Variants in C4orf33 observed in about 807,000 individuals in gnomAD.
C4orf33 encodes UPF0462 protein C4orf33.
Under a neutral mutation model 24.3 loss-of-function variants are expected in C4orf33, and 20 were observed. The ratio of observed to expected loss-of-function variants is 0.82; its 90% CI spans 0.58 to 1.19. The LOEUF (loss-of-function observed/expected upper bound fraction) is 1.19, where lower values mean the gene tolerates loss of function less well. Among genes scored for constraint, C4orf33 ranks in the 50% most tolerant of loss-of-function variants. The pLI is 0.00. For synonymous variants in C4orf33, 67 were observed against 76.4 expected, an observed-to-expected ratio of 0.88 and a Z score of 0.64; for missense variants, 207 against 225.9, an observed-to-expected ratio of 0.92 and a Z score of 0.54.
chr4:129,106,519 GAATA>G, intron 2 of C4orf33, 64 bp from the exon 3 acceptor site: 1 of 768,790 alleles, frequency 1.3e-6, no homozygotes, highest in South Asian at 1.8e-5. Flanking sequence ...TATTCTAAAG[GAATA>G]AATTATTTAT....
intron 1 of C4orf33, among the ~76,000 whole-genome samples, chr4:129,101,169 A>G (rs925038344): frequency 2.6e-5 from 4 of 152,190 alleles, no homozygotes; most frequent in South Asian, 2.1e-4. Flanking sequence ...GCGAGCATAT[A>G]GTGAAAATTA....
At chr4:129,096,898 T>G (rs1198840142) in intron 1 of C4orf33, among the ~76,000 whole-genome samples, 1 of 152,148 alleles carries the variant, frequency 6.6e-6, no homozygotes, top group Non-Finnish European at 1.5e-5. Context: ...GAACCGGCCT[T>G]AAATTAGACT....
At chr4:129,103,497 C>G (rs1397486850) in intron 2 of C4orf33, among the ~76,000 whole-genome samples, 1 of 152,106 alleles carries the variant, frequency 6.6e-6, no homozygotes, top group Non-Finnish European at 1.5e-5. Context: ...CACTATCAAC[C>G]TCAATACGAA....
In C4orf33 at chr4:129,115,689, C is replaced by A. The variant is rs1474232928; in HGVS notation, c.*3898C>A. On this transcript the variant is annotated 3_prime_UTR_variant, in exon 6 of 6. Transcript: ENST00000425929. ...CAATCCCATTCCTTAGAATCACATT[C>A]CAAAATTAATGCACTGCACACAACC... The A allele has an allele frequency of 6.6e-6, 1 of 151,586 alleles. No individual in the cohort carries two copies. The highest frequency in any genetic ancestry group is 6.6e-5 in the Admixed American group (1 of 15,196). The allele number at this position is 151,586 out of a possible 1,614,324, so 9.4% of individuals were successfully genotyped here.
rs1753709169 is a variant in C4orf33, at chr4:129,112,296, A to T, written c.*505A>T. On this transcript the variant is annotated 3_prime_UTR_variant, in exon 6 of 6. Transcript: ENST00000425929. ...TAGTCAGTGGAATACTGTTCATTTA[A>T]AAAAGGACTGCTGATACATGCAACA... is the stretch of plus-strand genomic sequence containing the variant. 2 of 152,242 alleles carry T rather than the reference A, an allele frequency of 1.3e-5. No homozygotes were observed. The highest frequency in any genetic ancestry group is 2.4e-5 in the African/African-American group (1 of 41,456). 9.4% of individuals were successfully genotyped at this position (152,242 alleles called of 1,614,324 possible). A position where few individuals can be genotyped will look rare whatever the true frequency, so the allele number is the denominator to read the frequency against.
At chr4:129,110,236 G>C (rs1753648570) in intron 5 of C4orf33, among the ~76,000 whole-genome samples, 1 of 152,192 alleles carries the variant, frequency 6.6e-6, no homozygotes, top group African/African-American at 2.4e-5. Context: ...CATGGCTTTG[G>C]GATTCCCCTG....
intron 5 of C4orf33, among the ~76,000 whole-genome samples, chr4:129,111,311 A>G (rs565746848): frequency 1.3e-5 from 2 of 152,366 alleles, no homozygotes; most frequent in East Asian, 3.9e-4. Flanking sequence ...GAAACTTTTC[A>G]AAACAATTGC....
intron 5 of C4orf33, among the ~76,000 whole-genome samples, chr4:129,111,448 A>C (rs921143219): frequency 6.6e-6 from 1 of 152,242 alleles, no homozygotes; most frequent in African/African-American, 2.4e-5. Flanking sequence ...TTCAGCTGTG[A>C]GGGAGTTATT....
At chr4:129,106,458 C>T in intron 2 of C4orf33, 129 bp from the exon 3 acceptor site, 1 of 496,364 alleles carries the variant, frequency 2.0e-6, no homozygotes, top group Non-Finnish European at 3.6e-6. Flanking sequence ...TTTCTTTGCT[C>T]TTTTTCCTAT....
intron 3 of C4orf33, 79 bp from the exon 4 acceptor site, chr4:129,109,228 A>G (rs1188117512): frequency 7.5e-7 from 1 of 1,338,176 alleles, no homozygotes; most frequent in Non-Finnish European, 1.1e-6. Flanking sequence ...GCAAGCACAC[A>G]CATTCCATGT....
At chr4:129,109,949 A>G (rs1753638912) in intron 5 of C4orf33, 8 of 1,184,516 alleles carry the variant, frequency 6.8e-6, no homozygotes, top group South Asian at 2.2e-5. Flanking sequence ...GTAATAGCTG[A>G]TATAGAAGTA....
At chr4:129,111,238 T>C (rs1251025405) in intron 5 of C4orf33, among the ~76,000 whole-genome samples, 1 of 152,242 alleles carries the variant, frequency 6.6e-6, no homozygotes, top group Non-Finnish European at 1.5e-5. Flanking sequence ...AATACTCTTT[T>C]ACATTAACCT....
intron 1 of C4orf33, among the ~76,000 whole-genome samples, chr4:129,099,133 T>G (rs1275822319): frequency 6.6e-6 from 1 of 152,224 alleles, no homozygotes; most frequent in African/African-American, 2.4e-5. Context: ...TTTTATATGA[T>G]TTTGATTTTT....
chr4:129,111,650 C>A, intron 5 of C4orf33, 36 bp from the exon 6 acceptor site: 1 of 1,267,334 alleles, frequency 7.9e-7, no homozygotes, highest in South Asian at 1.2e-5. Context: ...ATGCATAATT[C>A]ATTTCAATTC....
chr4:129,102,864 A>G, intron 2 of C4orf33, 73 bp downstream of exon 2: 1 of 1,388,284 alleles, frequency 7.2e-7, no homozygotes. Context: ...CTATTATTTT[A>G]TCTTGCTGTT....
chr4:129,115,295 G>A lies in C4orf33; in HGVS notation c.*3504G>A, dbSNP rs546771933. On this transcript the variant is annotated 3_prime_UTR_variant, in exon 6 of 6. Coordinates refer to ENST00000425929, the MANE Select transcript of C4orf33 (RefSeq NM_001099783.2). ...TTGTGTCCTACCTCACATCCTCTTA[G>A]GCCATTTTTCAATTCACCCATTTTA... 1 of 152,134 alleles carries A rather than the reference G, an allele frequency of 6.6e-6. No individual in the cohort carries two copies. The allele number at this position is 152,134 out of a possible 1,614,324, so 9.4% of individuals were successfully genotyped here.
At chr4:129,111,389 T>G (rs1753688150) in intron 5 of C4orf33, among the ~76,000 whole-genome samples, 1 of 152,238 alleles carries the variant, frequency 6.6e-6, no homozygotes, top group Non-Finnish European at 1.5e-5. Flanking sequence ...TAATATGATT[T>G]GTTTAAAGCT....
chr4:129,112,049 A>G lies in C4orf33; in HGVS notation c.*258A>G, dbSNP rs1427955241. 3.6e-6 allele frequency: 1 copy of G among 278,930 alleles called. No homozygotes were observed. Among genetic ancestry groups the G allele is most frequent in the Admixed American group, 5.2e-5 (1 of 19,244 alleles). The allele number at this position is 278,930 out of a possible 1,614,324, so 17.3% of individuals were successfully genotyped here. ...CCAGGATGTTGCATTCCCAGCACAC[A>G]GTACAGTTATTCTTGAAAACTACAA... On this transcript the variant is annotated 3_prime_UTR_variant, in exon 6 of 6. Coordinates refer to ENST00000425929, the MANE Select transcript of C4orf33 (RefSeq NM_001099783.2).
intron 3 of C4orf33, among the ~76,000 whole-genome samples, chr4:129,108,598 A>G (rs1753585798): frequency 1.3e-5 from 2 of 152,188 alleles, no homozygotes; most frequent in Non-Finnish European, 2.9e-5. Context: ...AATAACCTTT[A>G]TTAAAGTGGT....
Sources: gnomAD v4.1 joint callset for allele counts (sites outside exome capture counted in the v4.1 genomes callset) on GRCh38, gnomAD v4.1.1 for gene constraint, MANE v1.5 for transcripts, NCBI Gene and HGNC (gene_info 2026-07-23, HGNC 2026-07-21) for gene names.